RHOBTB2: variants seen among roughly 807,000 people sequenced by gnomAD.
RHOBTB2 encodes Rho related BTB domain containing 2, also known as rho-related BTB domain-containing protein 2.
RHOBTB2 carries 39 observed loss-of-function variants against 66.5 expected under a neutral mutation model. The ratio of observed to expected loss-of-function variants is 0.59; its 90% CI spans 0.45 to 0.77. The LOEUF is 0.77. RHOBTB2 is among the 30% of genes least tolerant of loss of function. The probability of loss-of-function intolerance (pLI) is 0.00; values close to 1 mark genes in which losing one functional copy is unlikely to be tolerated. For missense variants in RHOBTB2, 755 were observed against 999.1 expected, an observed-to-expected ratio of 0.76 and a Z score of 3.29; for synonymous variants, 390 against 395.0, an observed-to-expected ratio of 0.99 and a Z score of 0.15.
chr8:22,980,834 T>A, the RHOBTB2 span, among the ~76,000 whole-genome samples: 1 of 152,224 alleles, frequency 6.6e-6, no homozygotes, highest in South Asian at 2.1e-4. Flanking sequence ...AATCCCAAAT[T>A]ACAACTTCGT....
At chr8:22,991,095 G>A (rs768155107) in intron 1 of RHOBTB2, among the ~76,000 whole-genome samples, 24 of 152,156 alleles carry the variant, frequency 1.6e-4, no homozygotes, top group South Asian at 6.2e-4. Flanking sequence ...TGGGATTCCC[G>A]TGGGTGAGCT....
At chr8:22,993,655 C>T (rs1008507752) in intron 2 of RHOBTB2, among the ~76,000 whole-genome samples, 4 of 152,224 alleles carry the variant, frequency 2.6e-5, no homozygotes, top group Non-Finnish European at 5.9e-5. Context: ...TCATTGGTTG[C>T]TCCTCTGCGT....
chr8:22,954,805 T>A, the RHOBTB2 span, among the ~76,000 whole-genome samples: 14 of 152,198 alleles, frequency 9.2e-5, no homozygotes, highest in African/African-American at 3.1e-4. Context: ...TAGATTTGAC[T>A]ATATCTAAAA....
upstream of RHOBTB2, chr8:22,998,961 AG>A (rs933409960): frequency 1.6e-4 from 24 of 152,172 alleles, 1 homozygote; most frequent in Admixed American, 1.2e-3. Flanking sequence ...AGGCAACAGG[AG>A]GGGGATGGGA....
At position 23,006,968 on chromosome 8, in the gene RHOBTB2, G is replaced by T; in HGVS notation, c.723G>T (p.Pro241=). ...APFLPPKPPP[P]IIVVPDPPSS... ...TCCTACCCCCCAAGCCACCGCCCCC[G>T]ATCATCGTGGTGCCCGACCCTCCCT... Residue 241 remains proline (P), a synonymous_variant, in exon 5 of 10, where the codon CCG becomes CCT. Transcript: ENST00000251822. This position sits in a 1 kb window ranked among gnomAD's most constrained non-coding sequence, Gnocchi z 6.1. 6.2e-7 allele frequency: 1 copy of T among 1,611,012 alleles called. No individual in the cohort carries two copies. The highest frequency in any genetic ancestry group is 8.5e-7 in the Non-Finnish European group (1 of 1,179,888).
At chr8:22,965,697 C>T in the RHOBTB2 span, among the ~76,000 whole-genome samples, 99 of 152,262 alleles carry the variant, frequency 6.5e-4, no homozygotes, top group African/African-American at 2.2e-3. Flanking sequence ...GTCTTTTCAA[C>T]AAACGGTACT....
At chr8:22,996,498 TG>T (rs1810562119), upstream of RHOBTB2, among the ~76,000 whole-genome samples, 1 of 338 alleles carries the variant, frequency 3.0e-3, no homozygotes, top group African/African-American at 8.1e-3. Context: ...AGAGGGCTGG[TG>T]TGTGTGTGTG....
chr8:22,967,420 C>A, the RHOBTB2 span, among the ~76,000 whole-genome samples: 21,256 of 151,284 alleles, frequency 0.14, 1,881 homozygotes, highest in Middle Eastern at 0.2. Context: ...ACCATCCCGG[C>A]CAACATGGTG....
intron 1 of RHOBTB2, among the ~76,000 whole-genome samples, chr8:23,002,462 C>A (rs1022365247): frequency 6.6e-6 from 1 of 152,134 alleles, no homozygotes; most frequent in Non-Finnish European, 1.5e-5. Flanking sequence ...GAGGCCAAGG[C>A]GGGCAGATCA....
At chr8:23,012,034 A>G (rs959342573) in intron 7 of RHOBTB2, among the ~76,000 whole-genome samples, 1 of 152,250 alleles carries the variant, frequency 6.6e-6, no homozygotes, top group African/African-American at 2.4e-5. Flanking sequence ...CCAGAAGGGG[A>G]TAAAGGGAAC....
chr8:22,951,999 G>C, the RHOBTB2 span, among the ~76,000 whole-genome samples: 1 of 152,182 alleles, frequency 6.6e-6, no homozygotes, highest in African/African-American at 2.4e-5. Flanking sequence ...GGGATTACAG[G>C]AGCGAGCCAC....
At chr8:23,011,228 TG>T (rs1163142772) in intron 7 of RHOBTB2, among the ~76,000 whole-genome samples, 1 of 152,216 alleles carries the variant, frequency 6.6e-6, no homozygotes, top group African/African-American at 2.4e-5. Flanking sequence ...CACTCCAGCC[TG>T]GGTGACAGAG....
rs1466175718 is a variant in RHOBTB2 at position 23,018,503 on chromosome 8, G to C, written c.*1034G>C. 6.6e-6 allele frequency: 1 copy of C among 152,322 alleles called. No individual in the cohort carries two copies. The allele number at this position is 152,322 out of a possible 1,614,324, so 9.4% of individuals were successfully genotyped here. On this transcript the variant is annotated 3_prime_UTR_variant, in exon 10 of 10. Coordinates refer to ENST00000251822, the MANE Select transcript of RHOBTB2 (RefSeq NM_015178.3). Reference sequence around the variant, plus strand: ...CCATGATGAGGAGGTGAAGATTTAGGTTGCAGAATCGACTCCAATGCCTTT... The same window carrying C: ...CCATGATGAGGAGGTGAAGATTTAGCTTGCAGAATCGACTCCAATGCCTTT...
chr8:22,972,878 C>T, the RHOBTB2 span, among the ~76,000 whole-genome samples: 8 of 152,212 alleles, frequency 5.3e-5, no homozygotes, highest in African/African-American at 1.7e-4. Context: ...TTTTCCTTCT[C>T]GGCTTCATCC....
chr8:23,014,607 G>A lies in RHOBTB2; in HGVS notation c.1772-83G>A, dbSNP rs1811237381. ...CCCGGGCCCTGGTTTTCCTCACCCT[G>A]AAGTGAGCTGGGGGATGTGGTGGGG... On this transcript the variant is annotated intron_variant, in intron 7 of 9. Coordinates refer to ENST00000251822, the MANE Select transcript of RHOBTB2 (RefSeq NM_015178.3). 4 of 1,302,320 alleles carry A rather than the reference G, an allele frequency of 3.1e-6. No individual in the cohort carries two copies. The Admixed American group carries it at 7.5e-5, about 24-fold the overall frequency. 80.7% of individuals were successfully genotyped at this position (1,302,320 alleles called of 1,614,324 possible).
In RHOBTB2 at chr8:22,999,622, CTT is replaced by C; in HGVS notation, c.-485_-484del. On this transcript the variant is annotated 5_prime_UTR_variant, in exon 1 of 10. Transcript: ENST00000251822. ...TTTTACCCTCCCGTTTTTTTCTTTT[CTT>C]TTTTTTTTCCCTATCCTTTTTTTGT... The C allele has an allele frequency of 5.3e-6, 6 of 1,139,856 alleles. No homozygotes were observed. Among genetic ancestry groups the C allele is most frequent in the Middle Eastern group, 3.7e-4 (1 of 2,668 alleles). 70.6% of individuals were successfully genotyped at this position (1,139,856 alleles called of 1,614,324 possible).
At chr8:22,982,956 G>A (rs1345076175), upstream of RHOBTB2, among the ~76,000 whole-genome samples, 2 of 152,122 alleles carry the variant, frequency 1.3e-5, no homozygotes, top group African/African-American at 4.8e-5. Flanking sequence ...CTTTTATAAG[G>A]GCACTAATCC....
In RHOBTB2 at chr8:22,999,807, C is replaced by A. The variant is rs1810711455; in HGVS notation, c.-309C>A. On this transcript the variant is annotated 5_prime_UTR_variant, in exon 1 of 10. Coordinates refer to ENST00000251822, the MANE Select transcript of RHOBTB2 (RefSeq NM_015178.3). ...CCGCTGCCTCCGCAGCCCGGCTCCG[C>A]GCGCCGCCGTGACATTGGGCGCCTG... is the stretch of plus-strand genomic sequence containing the variant. 1.0e-6 allele frequency: 1 copy of A among 983,458 alleles called. No homozygotes were observed. Among genetic ancestry groups the A allele is most frequent in the Admixed American group, 6.2e-5 (1 of 16,070 alleles). The allele number at this position is 983,458 out of a possible 1,614,324, so 60.9% of individuals were successfully genotyped here. A position where few individuals can be genotyped will look rare whatever the true frequency, so the allele number is the denominator to read the frequency against.
At chr8:22,982,339 G>C in the RHOBTB2 span, among the ~76,000 whole-genome samples, 1 of 152,142 alleles carries the variant, frequency 6.6e-6, no homozygotes, top group South Asian at 2.1e-4. Context: ...AATCTTTCTT[G>C]GCCAGGCTCG....
Sources: allele counts gnomAD v4.1 joint callset (sites outside exome capture counted in the v4.1 genomes callset), GRCh38; gene constraint gnomAD v4.1.1; non-coding constraint Gnocchi (gnomAD v3.1); transcripts MANE v1.5; gene names NCBI Gene and HGNC (gene_info 2026-07-23, HGNC 2026-07-21).